Variants in RPL18 observed in about 807,000 individuals in gnomAD.
RPL18 encodes the protein large ribosomal subunit protein eL18.
A neutral mutation model predicts 25.0 loss-of-function variants in RPL18; 4 were observed. That is an observed-to-expected ratio of 0.16 (90% CI 0.08 to 0.37). The LOEUF (loss-of-function observed/expected upper bound fraction) is 0.37, where lower values mean the gene tolerates loss of function less well. RPL18 is among the 10% of genes least tolerant of loss of function. RPL18 has a pLI of 1.00. For missense variants in RPL18, 179 were observed against 267.9 expected, an observed-to-expected ratio of 0.67 and a Z score of 2.32; for synonymous variants, 129 against 101.6, an observed-to-expected ratio of 1.27 and a Z score of -1.62.
At chr19:48,618,169 T>C in intron 1 of RPL18, 1 of 272,854 alleles carries the variant, frequency 3.7e-6, no homozygotes, top group Non-Finnish European at 7.1e-6. Context: ...GCAACAATGT[T>C]ATCAAAACTG....
Position 48,617,379 on chromosome 19 carries a change from C to T in RPL18, c.135G>A (p.Gln45=), listed in dbSNP as rs965392647. The change falls in exon 3 of 7, where the codon CAG becomes CAA. Residue 45 remains glutamine, a synonymous_variant. Coordinates refer to ENST00000549920, the MANE Select transcript of RPL18 (RefSeq NM_000979.4). ...TCATAAACAACCTCTTCAACACAAC[C>T]TGGTTGAATGTGGAGTTGGTTCTTC... ...LARRTNSTFN[Q]VVLKRLFMSR... 1.2e-6 allele frequency: 2 copies of T among 1,614,176 alleles called. No homozygotes were observed. Among genetic ancestry groups the T allele is most frequent in the African/African-American group, 1.3e-5 (1 of 75,046 alleles).
In RPL18 at chr19:48,615,845, G is replaced by A. The variant is rs372151601; in HGVS notation, c.491+32C>T. 22 of 1,577,168 alleles carry A rather than the reference G, an allele frequency of 1.4e-5. No homozygotes were observed. The African/African-American group carries it at 2.8e-4, about 20-fold the overall frequency. ...GCCTGGCCCTGCAGGCTGAGTCTGG[G>A]GAGAGGGCAGGGCTGGGGGCCTGAT... On this transcript the variant is annotated intron_variant, in intron 6 of 6. Transcript: ENST00000549920.
intron 5 of RPL18, 22 bp downstream of exon 5, chr19:48,616,057 C>T: frequency 6.2e-7 from 1 of 1,614,110 alleles, no homozygotes; most frequent in Non-Finnish European, 8.5e-7. Context: ...CAGTCCAAAC[C>T]CGTCGACCAC....
chr19:48,616,861 G>T lies in RPL18; in HGVS notation c.199-37C>A, dbSNP rs1443658120. 5 of 1,518,844 alleles carry T rather than the reference G, an allele frequency of 3.3e-6. No homozygotes were observed. The Admixed American group carries it at 5.0e-5, about 15-fold the overall frequency. The allele number at this position is 1,518,844 out of a possible 1,614,324, so 94.1% of individuals were successfully genotyped here. A position where few individuals can be genotyped will look rare whatever the true frequency, so the allele number is the denominator to read the frequency against. ...GAGGATGTACGTCGTAAGTTGTTCT[G>T]GTGTTTACATTCAGCCCCGCTTGAG... On this transcript the variant is annotated intron_variant, in intron 3 of 6. Coordinates refer to ENST00000549920, the MANE Select transcript of RPL18 (RefSeq NM_000979.4).
intron 2 of RPL18, 103 bp from the exon 3 acceptor site, chr19:48,617,526 T>G (rs1279118828): frequency 2.2e-6 from 2 of 926,092 alleles, no homozygotes; most frequent in African/African-American, 3.3e-5. Flanking sequence ...ATAATCTTTA[T>G]CCCTTTCCCC....
Position 48,615,454 on chromosome 19 carries a change from G to T in RPL18, c.492-7C>A, listed in dbSNP as rs1974138732. ...CTTGGAGCGGACGTAGGGTCTGTGGGGAGAGGAGGGAGTGAGAGGGGGGCC... is the reference window on the plus strand; with the variant it reads ...CTTGGAGCGGACGTAGGGTCTGTGGTGAGAGGAGGGAGTGAGAGGGGGGCC... On this transcript the variant is annotated splice_polypyrimidine_tract_variant and splice_region_variant and intron_variant, in intron 6 of 6. Transcript: ENST00000549920. The T allele has an allele frequency of 6.2e-7, 1 of 1,608,596 alleles. No individual in the cohort carries two copies. The highest frequency in any genetic ancestry group is 8.5e-7 in the Non-Finnish European group (1 of 1,176,860).
intron 4 of RPL18, 85 bp from the exon 5 acceptor site, chr19:48,616,287 C>T (rs1461672050): frequency 2.6e-6 from 4 of 1,547,552 alleles, no homozygotes; most frequent in Non-Finnish European, 3.5e-6. Context: ...TGCCTTGGCG[C>T]AGCAGAGCCC....
intron 1 of RPL18, chr19:48,618,924 C>T (rs1342824760): frequency 3.4e-6 from 2 of 579,916 alleles, no homozygotes; most frequent in East Asian, 5.9e-5. Flanking sequence ...TCATATCAGC[C>T]TCCGAGTACC....
At chr19:48,617,108 C>T (rs1275089479) in intron 3 of RPL18, 1 of 708,692 alleles carries the variant, frequency 1.4e-6, no homozygotes, top group Non-Finnish European at 2.6e-6. Flanking sequence ...CTCCACCTCA[C>T]AAAGAGAAGG....
chr19:48,618,803 A>G (rs1332568832), intron 1 of RPL18: 3 of 356,612 alleles, frequency 8.4e-6, no homozygotes, highest in African/African-American at 6.3e-5. Flanking sequence ...TCATACTAGA[A>G]AGTGACAGGT....
At position 48,615,891 on chromosome 19, in the gene RPL18, C is replaced by A; in HGVS notation, c.477G>T (p.Pro159=). 6.2e-7 allele frequency: 1 copy of A among 1,611,408 alleles called. No individual in the cohort carries two copies. ...YRHFGKAPGT[P]HSHTKPYVRS... is the part of the protein sequence containing the mutation. ...CTGATACTCACTTGGTGTGGCTGTG[C>A]GGGGTTCCTGGGGCCTTGCCGAAAT... is the stretch of plus-strand genomic sequence containing the variant. The change falls in exon 6 of 7, where the codon CCG becomes CCT. Residue 159 remains proline, a synonymous_variant. Coordinates refer to ENST00000549920, the MANE Select transcript of RPL18 (RefSeq NM_000979.4).
In RPL18 at chr19:48,615,937, T is replaced by C. The variant is rs1344020482; in HGVS notation, c.431A>G (p.Lys144Arg). ...GAAATGCCGGTACACCTCTCGGCCC[T>C]TGCGAGGACCTAGGGAAGGGGAAGG... is the stretch of plus-strand genomic sequence containing the variant. Reference protein sequence around the residue: ...CGTVLLSGPRKGREVYRHFGK... With the variant: ...CGTVLLSGPRRGREVYRHFGK... Residue 144 changes from lysine to arginine, a missense_variant, in exon 6 of 7, where the codon AAG (lysine) becomes AGG (arginine). By Grantham distance (26) the Lys-to-Arg change is conservative. Coordinates refer to ENST00000549920, the MANE Select transcript of RPL18 (RefSeq NM_000979.4). The C allele has an allele frequency of 6.2e-7, 1 of 1,613,748 alleles. No homozygotes were observed. Among genetic ancestry groups the C allele is most frequent in the Non-Finnish European group, 8.5e-7 (1 of 1,179,908 alleles).
At chr19:48,617,676 G>A (rs1974219356) in intron 2 of RPL18, 115 bp downstream of exon 2, 1 of 797,486 alleles carries the variant, frequency 1.3e-6, no homozygotes, top group South Asian at 1.6e-5. Context: ...CAGAACCAGA[G>A]ACCCGAGACT....
At chr19:48,618,827 G>A (rs1974273909) in intron 1 of RPL18, 5 of 467,980 alleles carry the variant, frequency 1.1e-5, no homozygotes, top group South Asian at 2.8e-5. Flanking sequence ...GATAAAGGCA[G>A]CAAAGCCAAA....
chr19:48,615,570 G>A, intron 6 of RPL18, 123 bp from the exon 7 acceptor site: 2 of 834,836 alleles, frequency 2.4e-6, no homozygotes, highest in Non-Finnish European at 1.9e-6. Flanking sequence ...GGAAAAGCTT[G>A]GCAGAGTGGG....
At chr19:48,619,006 G>T in intron 1 of RPL18, 135 bp downstream of exon 1, 2 of 906,762 alleles carry the variant, frequency 2.2e-6, no homozygotes, top group Non-Finnish European at 3.5e-6. Context: ...GGCCCCCAGA[G>T]TAGGTCCCCA....
intron 5 of RPL18, 46 bp from the exon 6 acceptor site, chr19:48,615,992 C>T: frequency 6.2e-7 from 1 of 1,613,812 alleles, no homozygotes; most frequent in Non-Finnish European, 8.5e-7. Flanking sequence ...ATCTGGCGCC[C>T]AGCTTCTGGC....
At chr19:48,618,811 G>C (rs1024111499) in intron 1 of RPL18, 1 of 397,938 alleles carries the variant, frequency 2.5e-6, no homozygotes, top group Admixed American at 4.3e-5. Context: ...GAAAGTGACA[G>C]GTCCAGATAA....
At position 48,616,621 on chromosome 19, in the gene RPL18, C is replaced by T. The variant is rs371428509; in HGVS notation, c.297+105G>A. The T allele has an allele frequency of 2.3e-5, 19 of 821,250 alleles. 1 individual carries two copies. Among genetic ancestry groups the T allele is most frequent in the South Asian group, 1.1e-4 (8 of 72,378 alleles). The allele number at this position is 821,250 out of a possible 1,614,324, so 50.9% of individuals were successfully genotyped here. A position where few individuals can be genotyped will look rare whatever the true frequency, so the allele number is the denominator to read the frequency against. On this transcript the variant is annotated intron_variant, in intron 4 of 6. Coordinates refer to ENST00000549920, the MANE Select transcript of RPL18 (RefSeq NM_000979.4). Reference sequence around the variant, plus strand: ...ACAGGCAGGATGCTTGCCTCACCAGCGGTGGCAAGACTGAGGATGGACCAG... The same window carrying T: ...ACAGGCAGGATGCTTGCCTCACCAGTGGTGGCAAGACTGAGGATGGACCAG...
Sources: gnomAD v4.1 joint callset for allele counts on GRCh38, gnomAD v4.1.1 for gene constraint, MANE v1.5 for transcripts, NCBI Gene and HGNC (gene_info 2026-07-23, HGNC 2026-07-21) for gene names.